Variants in SATB2 observed in about 807,000 individuals in gnomAD.
SATB2 encodes the protein SATB homeobox 2.
SATB2 carries 1 observed loss-of-function variant against 73.4 expected under a neutral mutation model. That is an observed-to-expected ratio of 0.01 (90% CI 0.00 to 0.06). The LOEUF (loss-of-function observed/expected upper bound fraction) is 0.06. Among genes scored for constraint, SATB2 ranks in the 10% least tolerant of loss-of-function variants. The pLI is 1.00. For missense variants in SATB2, 459 were observed against 945.8 expected (o/e 0.49, Z 6.75); for synonymous variants, 397 against 367.0 (o/e 1.08, Z -0.93).
intron 2 of SATB2, among the ~76,000 whole-genome samples, chr2:199,452,791 G>A (rs938418860): frequency 3.3e-5 from 5 of 151,552 alleles, no homozygotes; most frequent in African/African-American, 7.3e-5. Flanking sequence ...CCTAAGGACC[G>A]TCTGTAAAAG....
intron 6 of SATB2, among the ~76,000 whole-genome samples, chr2:199,351,161 CT>C (rs781572792): frequency 0.025 from 3,227 of 131,478 alleles, 85 homozygotes; most frequent in African/African-American, 0.071. Context: ...TGTTTGCTTG[CT>C]TTTTTTTTTT....
intron 9 of SATB2, among the ~76,000 whole-genome samples, chr2:199,313,623 G>A (rs543950831): frequency 1.3e-5 from 2 of 152,256 alleles, no homozygotes; most frequent in African/African-American, 4.8e-5. Flanking sequence ...TACAATCCAA[G>A]TGTTCCTGAA....
intron 3 of SATB2, among the ~76,000 whole-genome samples, chr2:199,421,852 A>T (rs531159705): frequency 4.9e-4 from 75 of 152,362 alleles, no homozygotes; most frequent in African/African-American, 1.7e-3. Flanking sequence ...TTGTAAAAAA[A>T]TCTGGCCTTG....
chr2:199,442,425 G>A (rs930312313), intron 2 of SATB2, among the ~76,000 whole-genome samples: 1 of 152,188 alleles, frequency 6.6e-6, no homozygotes, highest in African/African-American at 2.4e-5. Context: ...GTGGCATGCT[G>A]CACCATGCTC....
intron 10 of SATB2, among the ~76,000 whole-genome samples, chr2:199,273,367 G>A (rs955817565): frequency 6.6e-6 from 1 of 152,010 alleles, no homozygotes; most frequent in African/African-American, 2.4e-5. Context: ...ACTAAATTTG[G>A]CCCATGAGTC....
Position 199,361,036 on chromosome 2 carries a change from C to T in SATB2, c.700+7569G>A, listed in dbSNP as rs150284401. On this transcript the variant is annotated intron_variant, in intron 6 of 10. Coordinates refer to ENST00000417098, the MANE Select transcript of SATB2 (RefSeq NM_001172509.2). ...CCTGGCCCTTTTCCTCTCAAAGCTTCCAGCCCTCTCCCGCTCTTGCTCTCC... is the reference window on the plus strand; with the variant it reads ...CCTGGCCCTTTTCCTCTCAAAGCTTTCAGCCCTCTCCCGCTCTTGCTCTCC... Among the ~76,000 whole-genome samples, 392 of 152,226 alleles carry T rather than the reference C, an allele frequency of 2.6e-3. 1 individual carries two copies. The highest frequency in any genetic ancestry group is 5.2e-3 in the Admixed American group (80 of 15,288).
intron 10 of SATB2, among the ~76,000 whole-genome samples, chr2:199,283,522 T>C (rs79405373): frequency 0.026 from 3,876 of 149,082 alleles, 172 homozygotes; most frequent in African/African-American, 0.091. Flanking sequence ...TTTTGTACCA[T>C]CTGCAAATTT....
chr2:199,332,373 A>G (rs534286183), intron 7 of SATB2, among the ~76,000 whole-genome samples: 2 of 152,252 alleles, frequency 1.3e-5, no homozygotes, highest in South Asian at 4.1e-4. Flanking sequence ...GTCAGTGGAA[A>G]AAGAAGGAAG....
chr2:199,282,517 G>A (rs761809429), intron 10 of SATB2, among the ~76,000 whole-genome samples: 6 of 152,070 alleles, frequency 3.9e-5, no homozygotes, highest in Non-Finnish European at 7.4e-5. Context: ...TTCTGAGCAC[G>A]TTACTTACTC....
intron 5 of SATB2, among the ~76,000 whole-genome samples, chr2:199,377,202 A>G (rs1689630339): frequency 6.6e-6 from 1 of 152,062 alleles, no homozygotes; most frequent in South Asian, 2.1e-4. Context: ...TGGTGAAATC[A>G]CGTCTCTACT....
chr2:199,379,655 T>C (rs1381481842), intron 5 of SATB2, among the ~76,000 whole-genome samples: 6 of 151,316 alleles, frequency 4.0e-5, no homozygotes, highest in Middle Eastern at 3.4e-3. Context: ...TGACTGTATA[T>C]GTAAAACGTC....
intron 6 of SATB2, among the ~76,000 whole-genome samples, chr2:199,355,927 T>A (rs1688968655): frequency 6.6e-6 from 1 of 152,112 alleles, no homozygotes; most frequent in East Asian, 1.9e-4. Context: ...TAGATAATAT[T>A]TCTAAAGCTA....
rs77819386 is a variant in SATB2, at chr2:199,440,920, G to T, written c.170-7406C>A. On this transcript the variant is annotated intron_variant, in intron 2 of 10. Transcript: ENST00000417098. ...GGCTGGAGTGCAATGGTGCAATCTC[G>T]ACTCACTGCAACCTCCACCTCAGGT... 0.021 allele frequency among the ~76,000 whole-genome samples: 3,129 copies of T among 150,590 alleles called. 319 individuals carry two copies. In the East Asian group the frequency reaches 0.31, roughly 15 times the overall value.
intron 3 of SATB2, among the ~76,000 whole-genome samples, chr2:199,422,385 TATATACAA>T (rs1246110948): frequency 6.6e-6 from 1 of 152,022 alleles, no homozygotes; most frequent in Non-Finnish European, 1.5e-5. Context: ...AAGGAGCTTA[TATATACAA>T]ATATACAAAA....
At chr2:199,305,968 C>G (rs1168700679) in intron 10 of SATB2, among the ~76,000 whole-genome samples, 2 of 152,156 alleles carry the variant, frequency 1.3e-5, no homozygotes, top group African/African-American at 4.8e-5. Flanking sequence ...AATAATGGCA[C>G]ATTTCCTATC....
In SATB2 at chr2:199,308,457, G is replaced by A. The variant is rs558995445; in HGVS notation, c.1740+303C>T. On this transcript the variant is annotated intron_variant, in intron 10 of 10. Coordinates refer to ENST00000417098, the MANE Select transcript of SATB2 (RefSeq NM_001172509.2). The surrounding 1 kb of genome is among the most constrained non-coding windows in gnomAD (Gnocchi z 4.6). ...TCGAGAGATTTAATTCTCCGTGAGC[G>A]CTCTGGCTTTACAATCCCACAAGTA... 3.3e-5 allele frequency among the ~76,000 whole-genome samples: 5 copies of A among 152,184 alleles called. No homozygotes were observed. Among genetic ancestry groups the A allele is most frequent in the South Asian group, 4.2e-4 (2 of 4,818 alleles).
chr2:199,398,614 C>G (rs1305847539), intron 3 of SATB2, among the ~76,000 whole-genome samples: 1 of 152,138 alleles, frequency 6.6e-6, no homozygotes, highest in Non-Finnish European at 1.5e-5. Context: ...TATCTGTAAA[C>G]AAGATGATGA....
chr2:199,412,081 T>A (rs1402002647), intron 3 of SATB2, among the ~76,000 whole-genome samples: 1 of 151,954 alleles, frequency 6.6e-6, no homozygotes, highest in Non-Finnish European at 1.5e-5. Context: ...TTGAAGGGAA[T>A]GAAAAGGAAG....
At chr2:199,351,856 ATCTATT>A (rs1688828231) in intron 6 of SATB2, among the ~76,000 whole-genome samples, 3 of 152,162 alleles carry the variant, frequency 2.0e-5, no homozygotes, top group African/African-American at 7.2e-5. Context: ...GAAATATTTT[ATCTATT>A]TCATTTTTTG....
Sources: gnomAD v4.1 joint callset for allele counts (sites outside exome capture counted in the v4.1 genomes callset) on GRCh38, gnomAD v4.1.1 for gene constraint, Gnocchi (gnomAD v3.1) non-coding constraint, MANE v1.5 for transcripts, NCBI Gene and HGNC (gene_info 2026-07-23, HGNC 2026-07-21) for gene names.